The following ZNF398 variants were observed in gnomAD, a reference collection of about 807,000 sequenced individuals.
The protein encoded by ZNF398 is zinc finger protein 398.
Under a neutral mutation model 41.9 loss-of-function variants are expected in ZNF398, and 18 were observed. The observed-to-expected ratio is 0.43, with a 90% CI of 0.30 to 0.64. ZNF398 has a LOEUF of 0.64. ZNF398 is among the 30% of genes least tolerant of loss of function. The pLI is 0.14. For missense variants in ZNF398, 669 were observed against 822.8 expected (o/e 0.81, Z 2.29); for synonymous variants, 260 against 308.8 (o/e 0.84, Z 1.66).
rs1329530433 is a variant in ZNF398, at chr7:149,181,719, T to C, written c.*1918T>C. The C allele has an allele frequency of 6.6e-6, 1 of 152,178 alleles. No homozygotes were observed. Among genetic ancestry groups the C allele is most frequent in the Non-Finnish European group, 1.5e-5 (1 of 68,034 alleles). 9.4% of individuals were successfully genotyped at this position (152,178 alleles called of 1,614,324 possible). A position where few individuals can be genotyped will look rare whatever the true frequency, so the allele number is the denominator to read the frequency against. On this transcript the variant is annotated 3_prime_UTR_variant, in exon 6 of 6. Transcript: ENST00000475153. ...AGAAATGTGTGTCTGCTGTCATAACTTACAGTGAAAAAGCCCAATAATACA... is the reference window on the plus strand; with the variant it reads ...AGAAATGTGTGTCTGCTGTCATAACCTACAGTGAAAAAGCCCAATAATACA...
rs1305356466 is a variant in ZNF398, at chr7:149,181,515, A to G, written c.*1714A>G. The G allele has an allele frequency of 1.3e-5, 2 of 152,060 alleles. No homozygotes were observed. The highest frequency in any genetic ancestry group is 2.9e-5 in the Non-Finnish European group (2 of 67,998). The allele number at this position is 152,060 out of a possible 1,614,324, so 9.4% of individuals were successfully genotyped here. A position where few individuals can be genotyped will look rare whatever the true frequency, so the allele number is the denominator to read the frequency against. On this transcript the variant is annotated 3_prime_UTR_variant, in exon 6 of 6. Coordinates refer to ENST00000475153, the MANE Select transcript of ZNF398 (RefSeq NM_170686.3). ...AAGGAAAGGACCCATTTTTTTGCTC[A>G]TCACCTAGCCCATCCTTCACTCTCT...
At chr7:149,161,067 G>A (rs1322670007) in intron 2 of ZNF398, among the ~76,000 whole-genome samples, 2 of 151,842 alleles carry the variant, frequency 1.3e-5, no homozygotes, top group East Asian at 1.9e-4. Context: ...TTTCCCCAGC[G>A]CCCCTTTGGC....
upstream of ZNF398, among the ~76,000 whole-genome samples, chr7:149,144,241 C>T (rs1193471271): frequency 6.6e-6 from 1 of 152,140 alleles, no homozygotes; most frequent in South Asian, 2.1e-4. Context: ...TACAAATGTC[C>T]CTGTTAAATG....
chr7:149,141,151 A>T (rs1426076528), intron 2 of ZNF398, among the ~76,000 whole-genome samples: 1 of 152,118 alleles, frequency 6.6e-6, no homozygotes, highest in African/African-American at 2.4e-5. Context: ...GGAGAATCTC[A>T]TCTACAACAC....
chr7:149,171,016 T>TG (rs1464113022), intron 4 of ZNF398, among the ~76,000 whole-genome samples: 6,506 of 145,278 alleles, frequency 0.045, 383 homozygotes, highest in African/African-American at 0.13. Context: ...GCTAATTTTT[T>TG]TTTTTTTTTT....
intron 5 of ZNF398, among the ~76,000 whole-genome samples, chr7:149,178,257 A>G (rs1411338530): frequency 1.3e-5 from 2 of 150,666 alleles, no homozygotes; most frequent in Non-Finnish European, 3.0e-5. Flanking sequence ...GTGCCACTGC[A>G]CTCCAGCCTG....
chr7:149,159,186 C>G (rs997044075), intron 2 of ZNF398, among the ~76,000 whole-genome samples: 9 of 151,806 alleles, frequency 5.9e-5, no homozygotes, highest in Non-Finnish European at 1.2e-4. Context: ...AAGTGATGCA[C>G]CTGCCCTGGT....
intron 2 of ZNF398, among the ~76,000 whole-genome samples, chr7:149,132,382 T>A (rs1448379982): frequency 2.0e-5 from 3 of 151,958 alleles, no homozygotes; most frequent in African/African-American, 7.3e-5. Context: ...TTAGTAGATA[T>A]GGGGTTTCTC....
intron 4 of ZNF398, among the ~76,000 whole-genome samples, chr7:149,168,127 G>A (rs190842441): frequency 1.3e-5 from 2 of 151,276 alleles, no homozygotes; most frequent in East Asian, 2.0e-4. Context: ...CGCCCAGGCT[G>A]GAATGCAGTG....
At position 149,154,121 on chromosome 7, in the gene ZNF398, G is replaced by A. The variant is rs917124; in HGVS notation, c.201G>A (p.Leu67=). 1,166,517 of 1,613,846 alleles carry A rather than the reference G, an allele frequency of 0.72. 426,996 individuals carry two copies. The highest frequency in any genetic ancestry group is 0.96 in the East Asian group (43,107 of 44,868). Residue 67 remains leucine, a synonymous_variant, in exon 2 of 6, where the codon CTG becomes CTA. Transcript: ENST00000475153. ...VEIHSRRLLH[L]EGRTGTAEKK... ...TCCACAGCCGGCGACTCCTACACCT[G>A]GAAGGTCGGACAGGGACAGCAGAGA...
In ZNF398 at chr7:149,155,140, G is replaced by A. The variant is rs184255822; in HGVS notation, c.420+800G>A. 9.2e-5 allele frequency among the ~76,000 whole-genome samples: 14 copies of A among 151,666 alleles called. No homozygotes were observed. The East Asian group carries it at 2.7e-3, about 30-fold the overall frequency. ...CGTCTCTACTTAAAATACAAAAATT[G>A]GCCAGGTGTGGTGGCTCACACCTGT... On this transcript the variant is annotated intron_variant, in intron 2 of 5. Coordinates refer to ENST00000475153, the MANE Select transcript of ZNF398 (RefSeq NM_170686.3).
At chr7:149,139,665 G>C (rs909741371) in intron 2 of ZNF398, among the ~76,000 whole-genome samples, 1 of 151,072 alleles carries the variant, frequency 6.6e-6, no homozygotes, top group Non-Finnish European at 1.5e-5. Context: ...AGGTTGCAGT[G>C]AGCGAGATCA....
chr7:149,147,130 G>C (rs1826962626), upstream of ZNF398: 1 of 152,152 alleles, frequency 6.6e-6, no homozygotes. This position sits in a 1 kb window ranked among gnomAD's most constrained non-coding sequence, Gnocchi z 5.6. Flanking sequence ...TTCTAAATAC[G>C]GCTGCCCTTC....
At position 149,140,664 on chromosome 7, in the gene ZNF398, G is replaced by A. The variant is rs569150179; in HGVS notation, c.-490+11720G>A. Among the ~76,000 whole-genome samples, 26 of 152,172 alleles carry A rather than the reference G, an allele frequency of 1.7e-4. No individual in the cohort carries two copies. In the East Asian group the frequency reaches 2.9e-3, roughly 17 times the overall value. ...CTCCCAAAGTGTTGGGATTACAGGC[G>A]TGAGCCACCACGCCAGGCCCATAAA... On this transcript the variant is annotated intron_variant, in intron 2 of 6. Transcript: ENST00000426851.
chr7:149,127,006 C>T (rs1022770690), intron 1 of ZNF398, among the ~76,000 whole-genome samples: 1 of 152,184 alleles, frequency 6.6e-6, no homozygotes, highest in Non-Finnish European at 1.5e-5. Flanking sequence ...GACTCAGGGT[C>T]GCCCAGGGAT....
chr7:149,173,865 C>A (rs2129521613), intron 4 of ZNF398, among the ~76,000 whole-genome samples: 1 of 146,296 alleles, frequency 6.8e-6, no homozygotes, highest in East Asian at 2.0e-4. Flanking sequence ...GCTATCTCGG[C>A]TCACCGCAAC....
At chr7:149,133,710 CAT>C (rs1177575778) in intron 2 of ZNF398, among the ~76,000 whole-genome samples, 1 of 67,364 alleles carries the variant, frequency 1.5e-5, no homozygotes, top group African/African-American at 6.0e-5. Context: ...TATATACACA[CAT>C]ATATATGTAT....
At chr7:149,134,596 T>C (rs1826672917) in intron 2 of ZNF398, among the ~76,000 whole-genome samples, 2 of 152,174 alleles carry the variant, frequency 1.3e-5, no homozygotes, top group Admixed American at 1.3e-4. Flanking sequence ...AGTTTATTTT[T>C]TCAACTCTGA....
Position 149,178,507 on chromosome 7 carries a change from A to C in ZNF398, c.776-141A>C, listed in dbSNP as rs1342265994. On this transcript the variant is annotated intron_variant, in intron 5 of 5. Coordinates refer to ENST00000475153, the MANE Select transcript of ZNF398 (RefSeq NM_170686.3). ...TCTGATGATTTGCCACAGAGACCAC[A>C]GATGTCTCGGTTATTATTGCAGCCT... is the stretch of plus-strand genomic sequence containing the variant. The C allele has an allele frequency of 8.7e-6, 6 of 692,656 alleles. No homozygotes were observed. In the Admixed American group the frequency reaches 1.5e-4, roughly 17 times the overall value. The allele number at this position is 692,656 out of a possible 1,614,324, so 42.9% of individuals were successfully genotyped here.
Sources: allele counts gnomAD v4.1 joint callset (sites outside exome capture counted in the v4.1 genomes callset), GRCh38; gene constraint gnomAD v4.1.1; non-coding constraint Gnocchi (gnomAD v3.1); transcripts MANE v1.5; gene names NCBI Gene and HGNC (gene_info 2026-07-23, HGNC 2026-07-21).